Variants in RSPO2 observed in about 807,000 individuals in gnomAD.
The protein encoded by RSPO2 is R-spondin-2.
In RSPO2, 14 loss-of-function variants were observed where a neutral mutation model predicts 30.9. The observed-to-expected ratio is 0.45, with a 90% CI of 0.30 to 0.71. The LOEUF (loss-of-function observed/expected upper bound fraction) is 0.71, where lower values mean the gene tolerates loss of function less well. Among genes scored for constraint, RSPO2 ranks in the 30% least tolerant of loss-of-function variants. The pLI is 0.08. For synonymous variants in RSPO2, 107 were observed against 96.4 expected, an observed-to-expected ratio of 1.11 and a Z score of -0.64; for missense variants, 264 against 301.9, an observed-to-expected ratio of 0.87 and a Z score of 0.93.
At chr8:107,952,658 T>A (rs569273788) in intron 5 of RSPO2, among the ~76,000 whole-genome samples, 1 of 152,348 alleles carries the variant, frequency 6.6e-6, no homozygotes, top group East Asian at 1.9e-4. Flanking sequence ...CATCGCATAT[T>A]TTCTTGACCC....
At chr8:108,023,975 G>A (rs1811127399) in intron 2 of RSPO2, among the ~76,000 whole-genome samples, 1 of 152,078 alleles carries the variant, frequency 6.6e-6, no homozygotes, top group African/African-American at 2.4e-5. Flanking sequence ...AACCCAGGAA[G>A]CATAAGGGCT....
chr8:108,059,892 A>G (rs1812393969), intron 2 of RSPO2, among the ~76,000 whole-genome samples: 1 of 149,274 alleles, frequency 6.7e-6, no homozygotes, highest in Admixed American at 6.6e-5. Context: ...TAGGAGATAT[A>G]CCTAATGCTA....
chr8:107,916,162 CTT>C (rs1811975999), intron 5 of RSPO2, among the ~76,000 whole-genome samples: 1 of 152,142 alleles, frequency 6.6e-6, no homozygotes, highest in South Asian at 2.1e-4. Flanking sequence ...GAGAAACAAA[CTT>C]TAATGACTTT....
Position 107,958,273 on chromosome 8 carries a change from TA to T in RSPO2, c.428-6del. 1 of 1,601,660 alleles carries T rather than the reference TA, an allele frequency of 6.2e-7. No individual in the cohort carries two copies. Among genetic ancestry groups the T allele is most frequent in the Non-Finnish European group, 8.5e-7 (1 of 1,173,704 alleles). On this transcript the variant is annotated splice_region_variant and splice_polypyrimidine_tract_variant and intron_variant, in intron 4 of 5. Transcript: ENST00000276659. The stretch of plus-strand genomic sequence containing the variant: ...AATGACCAACTTCACATCCTTCTAG[TA>T]AAGATTTTTAGAAAAAGAAAAAAAA...
rs553668671 is a variant in RSPO2, at chr8:107,941,114, A to AT, written c.616+16965dup. 1.1e-4 allele frequency among the ~76,000 whole-genome samples: 16 copies of AT among 151,582 alleles called. No homozygotes were observed. The South Asian group carries it at 2.3e-3, about 22-fold the overall frequency. On this transcript the variant is annotated intron_variant, in intron 5 of 5. Transcript: ENST00000276659. Reference sequence around the variant, plus strand: ...CCCCAAAAAAATGTATAGTTCACTGATTTTTTTTTCAGGCTGGTGGATTGG... The same window carrying AT: ...CCCCAAAAAAATGTATAGTTCACTGATTTTTTTTTTCAGGCTGGTGGATTGG...
intron 2 of RSPO2, among the ~76,000 whole-genome samples, chr8:108,004,127 C>T (rs918949425): frequency 1.3e-5 from 2 of 152,070 alleles, no homozygotes; most frequent in African/African-American, 4.8e-5. Flanking sequence ...AAGATATCAC[C>T]CACAAAAACA....
At chr8:107,947,900 T>C (rs964523429) in intron 5 of RSPO2, among the ~76,000 whole-genome samples, 2 of 152,260 alleles carry the variant, frequency 1.3e-5, no homozygotes, top group South Asian at 2.1e-4. Context: ...CAGGTTCATT[T>C]GCTTCACCTC....
At chr8:108,036,984 C>G (rs990411784) in intron 2 of RSPO2, among the ~76,000 whole-genome samples, 2 of 152,162 alleles carry the variant, frequency 1.3e-5, no homozygotes. Context: ...TGCCATCTCT[C>G]TCACTCTCTC....
intron 3 of RSPO2, among the ~76,000 whole-genome samples, chr8:107,985,158 A>G (rs1814581194): frequency 6.6e-6 from 1 of 152,276 alleles, no homozygotes; most frequent in East Asian, 1.9e-4. Flanking sequence ...GAAGTTTTAT[A>G]CTTGTTATTA....
chr8:107,951,059 G>GTTTTTTTTT (rs1813230482), intron 5 of RSPO2, among the ~76,000 whole-genome samples: 1 of 133,312 alleles, frequency 7.5e-6, no homozygotes, highest in Admixed American at 7.2e-5. Flanking sequence ...TTTTGTTGTT[G>GTTTTTTTTT]TTGTTGTTGT....
intron 5 of RSPO2, among the ~76,000 whole-genome samples, chr8:107,903,066 T>C (rs915192449): frequency 6.6e-5 from 10 of 152,066 alleles, no homozygotes; most frequent in African/African-American, 2.4e-4. Flanking sequence ...AAAAATGAAA[T>C]ATTTAATACA....
intron 5 of RSPO2, among the ~76,000 whole-genome samples, chr8:107,955,901 AC>A (rs1357399756): frequency 6.6e-6 from 1 of 152,212 alleles, no homozygotes; most frequent in Non-Finnish European, 1.5e-5. Flanking sequence ...TGTATTCCCA[AC>A]CTGATTACGA....
At chr8:108,009,979 G>A (rs1256536237) in intron 2 of RSPO2, among the ~76,000 whole-genome samples, 3 of 152,054 alleles carry the variant, frequency 2.0e-5, no homozygotes, top group African/African-American at 2.4e-5. Context: ...AGCTTGGGAG[G>A]CGGATGTTGC....
At chr8:107,984,682 C>A (rs1814565756) in intron 3 of RSPO2, among the ~76,000 whole-genome samples, 1 of 152,060 alleles carries the variant, frequency 6.6e-6, no homozygotes, top group Non-Finnish European at 1.5e-5. Context: ...GGAGGAAATA[C>A]CCTTTGTTTT....
Position 107,991,031 on chromosome 8 carries a change from G to A in RSPO2, c.95-1787C>T, listed in dbSNP as rs183899032. 5.9e-5 allele frequency among the ~76,000 whole-genome samples: 9 copies of A among 152,234 alleles called. No homozygotes were observed. The East Asian group carries it at 1.5e-3, about 26-fold the overall frequency. ...AGATAACCTGAGGTCGGGAGTTTGG[G>A]ATCAGCCTGACCAACACGGAGAAAC... On this transcript the variant is annotated intron_variant, in intron 2 of 5. Coordinates refer to ENST00000276659, the MANE Select transcript of RSPO2 (RefSeq NM_178565.5).
chr8:107,998,653 A>G (rs1226021214), intron 2 of RSPO2, among the ~76,000 whole-genome samples: 1 of 152,190 alleles, frequency 6.6e-6, no homozygotes, highest in Non-Finnish European at 1.5e-5. Context: ...TTTAATATTT[A>G]GAAGGGCTAT....
At chr8:107,956,745 C>A (rs1487956084) in intron 5 of RSPO2, among the ~76,000 whole-genome samples, 1 of 152,130 alleles carries the variant, frequency 6.6e-6, no homozygotes, top group Non-Finnish European at 1.5e-5. Flanking sequence ...GTTATGTAAA[C>A]AATATACAAC....
intron 2 of RSPO2, among the ~76,000 whole-genome samples, chr8:108,038,765 T>C (rs1027408063): frequency 6.6e-6 from 1 of 152,096 alleles, no homozygotes; most frequent in African/African-American, 2.4e-5. Flanking sequence ...GGGTTTTTTT[T>C]TTTAGCAATA....
Position 107,899,978 on chromosome 8 carries a change from T to C in RSPO2, c.*1097A>G, listed in dbSNP as rs1273372831. ...TAGCTTCTTCAGTGACCCAAGAACA[T>C]TGGTAGGTGCCTTGTCATTTAAAGC... On this transcript the variant is annotated 3_prime_UTR_variant, in exon 6 of 6. Coordinates refer to ENST00000276659, the MANE Select transcript of RSPO2 (RefSeq NM_178565.5). The C allele has an allele frequency of 6.6e-6, 1 of 152,170 alleles. No individual in the cohort carries two copies. The highest frequency in any genetic ancestry group is 1.5e-5 in the Non-Finnish European group (1 of 68,030). The allele number at this position is 152,170 out of a possible 1,614,324, so 9.4% of individuals were successfully genotyped here.
Sources: gnomAD v4.1 joint callset for allele counts (sites outside exome capture counted in the v4.1 genomes callset) on GRCh38, gnomAD v4.1.1 for gene constraint, MANE v1.5 for transcripts, NCBI Gene and HGNC (gene_info 2026-07-23, HGNC 2026-07-21) for gene names.